MRTFA: variants seen among roughly 807,000 people sequenced by gnomAD.
MRTFA encodes myocardin-related transcription factor A.
In MRTFA, 20 loss-of-function variants were observed where a neutral mutation model predicts 83.5. The ratio of observed to expected loss-of-function variants is 0.24; its 90% confidence interval spans 0.17 to 0.35. The LOEUF (loss-of-function observed/expected upper bound fraction) is 0.35, where lower values mean the gene tolerates loss of function less well. Ranked by LOEUF, MRTFA falls within the 10% of genes least tolerant of loss-of-function variation. The probability of loss-of-function intolerance (pLI) is 1.00; values close to 1 mark genes in which losing one functional copy is unlikely to be tolerated. For synonymous variants in MRTFA, 659 were observed against 541.2 expected, an observed-to-expected ratio of 1.22 and a Z score of -3.02; for missense variants, 1,200 against 1,224.7, an observed-to-expected ratio of 0.98 and a Z score of 0.30.
In MRTFA at chr22:40,411,231, T is replaced by G; in HGVS notation, c.*159A>C. 1 of 746,820 alleles carries G rather than the reference T, an allele frequency of 1.3e-6. No homozygotes were observed. Among genetic ancestry groups the G allele is most frequent in the Non-Finnish European group, 2.1e-6 (1 of 487,186 alleles). The allele number at this position is 746,820 out of a possible 1,614,324, so 46.3% of individuals were successfully genotyped here. ...GCCCTGCGTGGCACTGAACCAGGAG[T>G]AAGGGCTTCTCTGTTCTAGCCTCCC... On this transcript the variant is annotated 3_prime_UTR_variant, in exon 15 of 15. Coordinates refer to ENST00000355630, the MANE Select transcript of MRTFA (RefSeq NM_020831.6).
intron 3 of MRTFA, among the ~76,000 whole-genome samples, chr22:40,548,067 G>T (rs913716074): frequency 2.0e-5 from 3 of 151,866 alleles, no homozygotes; most frequent in Admixed American, 2.0e-4. Flanking sequence ...TTGATAAAGG[G>T]CAACAGGGCA....
intron 3 of MRTFA, among the ~76,000 whole-genome samples, chr22:40,513,508 G>A (rs1011063750): frequency 6.6e-6 from 1 of 151,356 alleles, no homozygotes; most frequent in Non-Finnish European, 1.5e-5. Context: ...GGCTAAGGCA[G>A]GAGAATCACT....
Position 40,470,231 on chromosome 22 carries a change from T to TTATATATATATATATA in MRTFA, c.242-6961_242-6946dup, listed in dbSNP as rs71328709. On this transcript the variant is annotated intron_variant, in intron 3 of 14. Coordinates refer to ENST00000355630, the MANE Select transcript of MRTFA (RefSeq NM_020831.6). Reference sequence around the variant, plus strand: ...ACAGCAAGACCCCATCTCCAAAATTTTATATATATATATATATATATATAT... The same window carrying TTATATATATATATATA: ...ACAGCAAGACCCCATCTCCAAAATTTTATATATATATATATATATATATATATATATATATATATAT... Among the ~76,000 whole-genome samples, 46 of 45,622 alleles carry TTATATATATATATATA rather than the reference T, an allele frequency of 1.0e-3. 1 individual carries two copies. The highest frequency in any genetic ancestry group is 1.7e-3 in the African/African-American group (10 of 6,036). The allele number at this position is 45,622 out of a possible 152,430, so 29.9% of individuals were successfully genotyped here.
At chr22:40,602,112 A>C (rs969894632) in intron 1 of MRTFA, among the ~76,000 whole-genome samples, 1 of 152,210 alleles carries the variant, frequency 6.6e-6, no homozygotes, top group Non-Finnish European at 1.5e-5. Flanking sequence ...TACGAAGAAG[A>C]ACAACACAGA....
chr22:40,598,949 G>C (rs1321594640), intron 1 of MRTFA, among the ~76,000 whole-genome samples: 3 of 145,048 alleles, frequency 2.1e-5, no homozygotes, highest in Non-Finnish European at 4.5e-5. Context: ...GGTGAGTCAA[G>C]ATTGTGCCAC....
At chr22:40,483,643 C>T (rs1224771591) in intron 3 of MRTFA, among the ~76,000 whole-genome samples, 1 of 151,566 alleles carries the variant, frequency 6.6e-6, no homozygotes, top group Non-Finnish European at 1.5e-5. Flanking sequence ...CGAGATAGTG[C>T]CACTGCACTC....
intron 2 of MRTFA, among the ~76,000 whole-genome samples, chr22:40,572,592 T>G (rs764422786): frequency 9.2e-5 from 14 of 152,170 alleles, no homozygotes; most frequent in Non-Finnish European, 1.8e-4. Context: ...GTAGTTACAC[T>G]TGCGTATTAC....
rs549343534 is a variant in MRTFA, at chr22:40,410,806, G to C, written c.*584C>G. 1 of 232,392 alleles carries C rather than the reference G, an allele frequency of 4.3e-6. No individual in the cohort carries two copies. The highest frequency in any genetic ancestry group is 5.6e-5 in the Admixed American group (1 of 17,726). The allele number at this position is 232,392 out of a possible 1,614,324, so 14.4% of individuals were successfully genotyped here. A position where few individuals can be genotyped will look rare whatever the true frequency, so the allele number is the denominator to read the frequency against. ...CCCCCCAAAAATATATATGTATGTC[G>C]ATATATAATATAGAGGTATATACAC... On this transcript the variant is annotated 3_prime_UTR_variant, in exon 15 of 15. Coordinates refer to ENST00000355630, the MANE Select transcript of MRTFA (RefSeq NM_020831.6).
chr22:40,622,314 T>C (rs2056532987), intron 1 of MRTFA, among the ~76,000 whole-genome samples: 1 of 151,968 alleles, frequency 6.6e-6, no homozygotes, highest in Non-Finnish European at 1.5e-5. Flanking sequence ...ACCCCGCCTC[T>C]ACTAAAAAGT....
At chr22:40,531,384 A>G (rs1486313653) in intron 3 of MRTFA, among the ~76,000 whole-genome samples, 1 of 150,342 alleles carries the variant, frequency 6.7e-6, no homozygotes, top group Non-Finnish European at 1.5e-5. Flanking sequence ...CCACCATGCC[A>G]GGCCTGAAAG....
chr22:40,566,081 C>A (rs2055699081), intron 2 of MRTFA, among the ~76,000 whole-genome samples: 1 of 152,078 alleles, frequency 6.6e-6, no homozygotes, highest in Non-Finnish European at 1.5e-5. Flanking sequence ...AGTTAAAAAG[C>A]CATGAGGCAG....
At chr22:40,432,027 C>A (rs1262956134) in intron 5 of MRTFA, among the ~76,000 whole-genome samples, 3 of 152,148 alleles carry the variant, frequency 2.0e-5, no homozygotes, top group Non-Finnish European at 4.4e-5. Context: ...GGGTGGATCA[C>A]CTGAGGTCAG....
At chr22:40,597,499 A>G (rs2056207768) in intron 1 of MRTFA, among the ~76,000 whole-genome samples, 1 of 152,248 alleles carries the variant, frequency 6.6e-6, no homozygotes, top group African/African-American at 2.4e-5. Context: ...ACGGTGCCAC[A>G]GCTTTGTATG....
chr22:40,454,475 T>C (rs1053097046), intron 4 of MRTFA, among the ~76,000 whole-genome samples: 1 of 152,212 alleles, frequency 6.6e-6, no homozygotes, highest in African/African-American at 2.4e-5. Flanking sequence ...TGTGTGTGTG[T>C]ATATTAAAGC....
At chr22:40,611,917 A>G (rs999320179) in intron 1 of MRTFA, among the ~76,000 whole-genome samples, 2 of 152,220 alleles carry the variant, frequency 1.3e-5, no homozygotes, top group African/African-American at 4.8e-5. Flanking sequence ...AACAATTTCT[A>G]TAGCTATACC....
intron 3 of MRTFA, among the ~76,000 whole-genome samples, chr22:40,514,803 G>T (rs192253528): frequency 1.3e-5 from 2 of 151,864 alleles, no homozygotes; most frequent in East Asian, 1.9e-4. Flanking sequence ...ACAAAGGAAC[G>T]GTTTGTACAT....
chr22:40,451,164 C>A (rs187410808), intron 4 of MRTFA, among the ~76,000 whole-genome samples: 1 of 152,208 alleles, frequency 6.6e-6, no homozygotes, highest in East Asian at 1.9e-4. Context: ...CTAATTGGAC[C>A]GGGCTTGACT....
At chr22:40,500,218 C>T (rs1430398264) in intron 3 of MRTFA, among the ~76,000 whole-genome samples, 1 of 149,978 alleles carries the variant, frequency 6.7e-6, no homozygotes, top group Non-Finnish European at 1.5e-5. Flanking sequence ...CATGAGCCAC[C>T]GCGCCCGGCC....
chr22:40,428,456 T>C (rs1437393505), intron 7 of MRTFA, among the ~76,000 whole-genome samples: 1 of 152,058 alleles, frequency 6.6e-6, no homozygotes, highest in Non-Finnish European at 1.5e-5. Context: ...AGGAATCAAG[T>C]CCAAACTCCC....
Sources: allele counts gnomAD v4.1 joint callset (sites outside exome capture counted in the v4.1 genomes callset), GRCh38; gene constraint gnomAD v4.1.1; transcripts MANE v1.5; gene names NCBI Gene and HGNC (gene_info 2026-07-23, HGNC 2026-07-21).